Variants in ADAMTSL1 observed in about 807,000 individuals in gnomAD.
The protein encoded by ADAMTSL1 is ADAMTS-like protein 1.
ADAMTSL1 carries 126 observed loss-of-function variants against 201.8 expected under a neutral mutation model. The observed-to-expected ratio is 0.62, with a 90% CI of 0.54 to 0.72. The LOEUF (loss-of-function observed/expected upper bound fraction) is 0.72. ADAMTSL1 is among the 30% of genes least tolerant of loss of function. The pLI, the probability that ADAMTSL1 is intolerant of heterozygous loss-of-function variation, is 0.00. For missense variants in ADAMTSL1, 2,679 were observed against 2,277.8 expected (o/e 1.18, Z -3.59); for synonymous variants, 1,121 against 903.4 (o/e 1.24, Z -4.32).
chr9:18,728,236 A>G (rs1458440989), intron 15 of ADAMTSL1, among the ~76,000 whole-genome samples: 11 of 152,192 alleles, frequency 7.2e-5, no homozygotes, highest in Non-Finnish European at 4.4e-5. Context: ...CATATATGAT[A>G]TGACTCATTC....
intron 2 of ADAMTSL1, among the ~76,000 whole-genome samples, chr9:18,223,872 G>T (rs898648982): frequency 6.6e-6 from 1 of 151,774 alleles, no homozygotes; most frequent in African/African-American, 2.4e-5. Context: ...TTGAGGCCTG[G>T]GTTTAACGTG....
chr9:18,375,752 G>A lies in ADAMTSL1; in HGVS notation c.208-129077G>A, dbSNP rs141282527. Among the ~76,000 whole-genome samples the A allele has an allele frequency of 7.5e-3, 1,138 of 152,310 alleles. 5 individuals carry two copies. Among genetic ancestry groups the A allele is most frequent in the Middle Eastern group, 0.02 (6 of 294 alleles). ...CCATAGCATGGAAGGGGACCCCAGCGGGTTGCCACTGCTGGCTGGTGGCCA... is the reference window on the plus strand; with the variant it reads ...CCATAGCATGGAAGGGGACCCCAGCAGGTTGCCACTGCTGGCTGGTGGCCA... On this transcript the variant is annotated intron_variant, in intron 2 of 29. Transcript: ENST00000680146.
intron 1 of ADAMTSL1, among the ~76,000 whole-genome samples, chr9:18,089,110 C>G (rs890475586): frequency 6.6e-6 from 1 of 152,096 alleles, no homozygotes; most frequent in African/African-American, 2.4e-5. Flanking sequence ...CAAGATCGTG[C>G]CATTGCGCTG....
At position 18,889,785 on chromosome 9, in the gene ADAMTSL1, C is replaced by G. The variant is rs746563535; in HGVS notation, c.4643+37C>G. ...GGACACTGGCTCAGACCTCCCCACCCTAGGAGGAGCCCTCCCTGTTAGCGA... is the reference window on the plus strand; with the variant it reads ...GGACACTGGCTCAGACCTCCCCACCGTAGGAGGAGCCCTCCCTGTTAGCGA... On this transcript the variant is annotated intron_variant, in intron 25 of 28. Transcript: ENST00000380548. 2.5e-5 allele frequency: 35 copies of G among 1,423,698 alleles called. No homozygotes were observed. The East Asian group carries it at 7.0e-4, about 29-fold the overall frequency. 88.2% of individuals were successfully genotyped at this position (1,423,698 alleles called of 1,614,324 possible). A position where few individuals can be genotyped will look rare whatever the true frequency, so the allele number is the denominator to read the frequency against.
At chr9:17,992,740 C>G (rs949820340) in intron 1 of ADAMTSL1, among the ~76,000 whole-genome samples, 4 of 152,078 alleles carry the variant, frequency 2.6e-5, no homozygotes, top group African/African-American at 7.2e-5. Context: ...AAAAACAGTA[C>G]AAAACAAATG....
At chr9:18,793,560 C>T (rs1822183374) in intron 19 of ADAMTSL1, among the ~76,000 whole-genome samples, 2 of 152,258 alleles carry the variant, frequency 1.3e-5, no homozygotes, top group Admixed American at 6.5e-5. Context: ...AAAACAACCC[C>T]TATTAACTGC....
chr9:17,971,252 C>G (rs1400510752), intron 1 of ADAMTSL1, among the ~76,000 whole-genome samples: 3 of 151,948 alleles, frequency 2.0e-5, no homozygotes, highest in Admixed American at 2.0e-4. Context: ...ACATTGAAAC[C>G]AACTTTGGTT....
At chr9:18,011,972 T>C (rs758322932) in intron 1 of ADAMTSL1, among the ~76,000 whole-genome samples, 17 of 151,968 alleles carry the variant, frequency 1.1e-4, no homozygotes, top group Admixed American at 9.2e-4. Flanking sequence ...CTCCAGGAAA[T>C]GTTTCCCCAG....
chr9:18,162,248 C>T (rs189119913), intron 1 of ADAMTSL1, among the ~76,000 whole-genome samples: 1 of 152,022 alleles, frequency 6.6e-6, no homozygotes, highest in African/African-American at 2.4e-5. Flanking sequence ...GTCCTTGTTA[C>T]ACTTTAAATC....
chr9:18,799,005 T>C (rs1822608934), intron 20 of ADAMTSL1, among the ~76,000 whole-genome samples: 1 of 152,130 alleles, frequency 6.6e-6, no homozygotes, highest in Non-Finnish European at 1.5e-5. Flanking sequence ...GTCTCAGGGA[T>C]TTGGGAGTAC....
chr9:18,454,985 C>A (rs1440717961), intron 2 of ADAMTSL1, among the ~76,000 whole-genome samples: 1 of 152,180 alleles, frequency 6.6e-6, no homozygotes, highest in Non-Finnish European at 1.5e-5. Flanking sequence ...TACTGCAATT[C>A]TTCCCCACCC....
intron 23 of ADAMTSL1, among the ~76,000 whole-genome samples, chr9:18,876,562 G>C (rs1274257535): frequency 3.9e-5 from 6 of 152,052 alleles, no homozygotes. Context: ...TTTTGTTTAA[G>C]GAAGCTCAAG....
At chr9:18,081,477 CAGT>C (rs1384901482) in intron 1 of ADAMTSL1, among the ~76,000 whole-genome samples, 2 of 152,060 alleles carry the variant, frequency 1.3e-5, no homozygotes, top group Non-Finnish European at 2.9e-5. Flanking sequence ...CAAGAGTACT[CAGT>C]AGTCCTATTA....
chr9:18,461,143 A>G (rs1820792106), intron 2 of ADAMTSL1, among the ~76,000 whole-genome samples: 1 of 152,212 alleles, frequency 6.6e-6, no homozygotes, highest in Admixed American at 6.5e-5. Context: ...AGCAAAATAA[A>G]TATTACTTCA....
At chr9:18,836,463 GT>G (rs1367300135) in intron 23 of ADAMTSL1, among the ~76,000 whole-genome samples, 2 of 151,972 alleles carry the variant, frequency 1.3e-5, no homozygotes, top group East Asian at 1.9e-4. Flanking sequence ...TTTTTGCTTT[GT>G]TTCAATTACT....
chr9:18,116,834 T>C (rs1389571536), intron 1 of ADAMTSL1, among the ~76,000 whole-genome samples: 1 of 152,220 alleles, frequency 6.6e-6, no homozygotes, highest in African/African-American at 2.4e-5. Flanking sequence ...TCATTTAGCA[T>C]TAGGTCTGTC....
At chr9:18,374,602 A>G (rs1389587266) in intron 2 of ADAMTSL1, among the ~76,000 whole-genome samples, 3 of 152,130 alleles carry the variant, frequency 2.0e-5, no homozygotes, top group African/African-American at 7.2e-5. Context: ...CCAAAATGCT[A>G]GGATTACAAG....
intron 26 of ADAMTSL1, among the ~76,000 whole-genome samples, chr9:18,899,003 A>G (rs997671548): frequency 6.6e-6 from 1 of 152,214 alleles, no homozygotes; most frequent in Non-Finnish European, 1.5e-5. Context: ...GAGGAAGTCA[A>G]ATTATCTTTG....
At chr9:18,714,416 C>G (rs1420249667) in intron 14 of ADAMTSL1, among the ~76,000 whole-genome samples, 4 of 152,112 alleles carry the variant, frequency 2.6e-5, no homozygotes, top group Non-Finnish European at 5.9e-5. Flanking sequence ...AAGGGGATAT[C>G]ACCACCGATC....
Sources: gnomAD v4.1 joint callset for allele counts (sites outside exome capture counted in the v4.1 genomes callset) on GRCh38, gnomAD v4.1.1 for gene constraint, MANE v1.5 for transcripts, NCBI Gene and HGNC (gene_info 2026-07-23, HGNC 2026-07-21) for gene names.